Variants in PTK2B observed in about 807,000 individuals in gnomAD.
PTK2B encodes the protein protein-tyrosine kinase 2-beta.
In PTK2B, 71 loss-of-function variants were observed where a neutral mutation model predicts 142.9. The ratio of observed to expected loss-of-function variants is 0.50; its 90% CI spans 0.41 to 0.61. PTK2B has a LOEUF of 0.61. Ranked by LOEUF, PTK2B falls within the 20% of genes least tolerant of loss-of-function variation. The pLI, the probability that PTK2B is intolerant of heterozygous loss-of-function variation, is 0.00. For synonymous variants in PTK2B, 519 were observed against 503.4 expected (o/e 1.03, Z -0.42); for missense variants, 1,105 against 1,320.4 (o/e 0.84, Z 2.53).
rs538192852 is a variant in PTK2B at position 27,337,414 on chromosome 8, G to C, written c.-38+11733G>C. ...GCCTCCTAAAGTACTGAGATTACAG[G>C]CGTGAGCTACTGCGCCTGGCCCTCC... On this transcript the variant is annotated intron_variant, in intron 1 of 30. Coordinates refer to ENST00000346049, the MANE Select transcript of PTK2B (RefSeq NM_173176.3). 2.6e-5 allele frequency among the ~76,000 whole-genome samples: 4 copies of C among 152,276 alleles called. No individual in the cohort carries two copies. The South Asian group carries it at 8.3e-4, about 32-fold the overall frequency.
intron 24 of PTK2B, among the ~76,000 whole-genome samples, chr8:27,449,902 TTCTC>T (rs1392199491): frequency 1.3e-5 from 2 of 152,256 alleles, no homozygotes; most frequent in Non-Finnish European, 2.9e-5. Flanking sequence ...AGCATTTATC[TTCTC>T]TCTATCAAAC....
chr8:27,442,246 T>C (rs548174471), intron 21 of PTK2B, among the ~76,000 whole-genome samples: 2 of 152,318 alleles, frequency 1.3e-5, no homozygotes, highest in South Asian at 4.1e-4. Flanking sequence ...AAATATAGTA[T>C]CAAGTGTCAC....
intron 2 of PTK2B, among the ~76,000 whole-genome samples, chr8:27,400,943 C>A (rs1030024622): frequency 6.6e-6 from 1 of 151,936 alleles, no homozygotes; most frequent in Non-Finnish European, 1.5e-5. Context: ...GTCAGGCGTT[C>A]GAGACCAGCC....
chr8:27,324,020 C>T (rs1014150232), upstream of PTK2B, among the ~76,000 whole-genome samples: 7 of 152,166 alleles, frequency 4.6e-5, no homozygotes, highest in Non-Finnish European at 1.0e-4. Context: ...ACAACTCACC[C>T]AGGTATCTAA....
rs1316820071 is a variant in PTK2B, at chr8:27,454,252, C to T, written c.2694C>T (p.Leu898=). The change falls in exon 29 of 31, where the codon CTC becomes CTT. Residue 898 remains leucine (L), a synonymous_variant. Transcript: ENST00000346049. The part of the protein sequence containing the change: ...VRAVLELKNE[L]CQLPPEGYVV... ...CCGTGCTGGAGCTCAAGAATGAGCT[C>T]TGTCAGCTGCCCCCCGAGGGCTACG... 1.9e-6 allele frequency: 3 copies of T among 1,614,120 alleles called. No homozygotes were observed. The highest frequency in any genetic ancestry group is 2.5e-6 in the Non-Finnish European group (3 of 1,180,020).
At chr8:27,417,774 A>G (rs1809492132) in intron 2 of PTK2B, among the ~76,000 whole-genome samples, 2 of 152,280 alleles carry the variant, frequency 1.3e-5, no homozygotes, top group Non-Finnish European at 2.9e-5. Flanking sequence ...TCAACAGCAC[A>G]GGAGTTCTAG....
At chr8:27,433,319 G>T (rs1250773384) in intron 10 of PTK2B, 116 bp from the exon 11 acceptor site, 2 of 852,474 alleles carry the variant, frequency 2.3e-6, no homozygotes, top group Non-Finnish European at 3.8e-6. Flanking sequence ...GGTGCAGACA[G>T]CATTGGCATC....
rs1311415158 is a variant in PTK2B, at chr8:27,411,956, C to T, written c.205-7939C>T. Among the ~76,000 whole-genome samples, 5 of 152,210 alleles carry T rather than the reference C, an allele frequency of 3.3e-5. 1 individual carries two copies. Among genetic ancestry groups the T allele is most frequent in the Non-Finnish European group, 7.3e-5 (5 of 68,040 alleles). Reference sequence around the variant, plus strand: ...ACAACTCACAGAATGCAGGAAAGTGCTATCCTTACAGTTTTATCATATAAA... The same window carrying T: ...ACAACTCACAGAATGCAGGAAAGTGTTATCCTTACAGTTTTATCATATAAA... On this transcript the variant is annotated intron_variant, in intron 2 of 30. Transcript: ENST00000346049.
Position 27,454,261 on chromosome 8 carries a change from G to A in PTK2B, c.2703G>A (p.Leu901=), listed in dbSNP as rs142584961. The change falls in exon 29 of 31, where the codon CTG becomes CTA. Residue 901 remains leucine (L), a synonymous_variant. Transcript: ENST00000346049. ...VLELKNELCQ[L]PPEGYVVVVK... ...AGCTCAAGAATGAGCTCTGTCAGCT[G>A]CCCCCCGAGGGCTACGTGGTGGTGG... 36 of 1,613,876 alleles carry A rather than the reference G, an allele frequency of 2.2e-5. No homozygotes were observed. The highest frequency in any genetic ancestry group is 2.8e-5 in the Non-Finnish European group (33 of 1,180,012).
At chr8:27,329,463 G>T (rs1165950320) in intron 1 of PTK2B, among the ~76,000 whole-genome samples, 2 of 152,188 alleles carry the variant, frequency 1.3e-5, no homozygotes, top group South Asian at 4.1e-4. Flanking sequence ...GGGGAGGGAG[G>T]CTACCCTGGG....
chr8:27,374,249 G>A (rs927331076), intron 1 of PTK2B, among the ~76,000 whole-genome samples: 1 of 152,230 alleles, frequency 6.6e-6, no homozygotes, highest in African/African-American at 2.4e-5. Context: ...AAACCCCAAA[G>A]GGGACTGCAT....
chr8:27,357,619 C>T (rs1805461299), intron 1 of PTK2B, among the ~76,000 whole-genome samples: 1 of 152,214 alleles, frequency 6.6e-6, no homozygotes, highest in South Asian at 2.1e-4. Context: ...CCTTTGTCAA[C>T]TCTGAATGAG....
intron 1 of PTK2B, among the ~76,000 whole-genome samples, chr8:27,387,203 G>A (rs1410216901): frequency 1.3e-5 from 2 of 152,094 alleles, no homozygotes; most frequent in African/African-American, 4.8e-5. Flanking sequence ...GGGGTACAGT[G>A]GAAAATCTGA....
chr8:27,421,467 C>T (rs141191035), intron 4 of PTK2B, among the ~76,000 whole-genome samples: 257 of 151,986 alleles, frequency 1.7e-3, no homozygotes, highest in African/African-American at 6.0e-3. Context: ...TCACCCCTTC[C>T]CACTCTTTCC....
At chr8:27,335,615 GAGAAA>G (rs1238311165) in intron 1 of PTK2B, among the ~76,000 whole-genome samples, 3 of 143,704 alleles carry the variant, frequency 2.1e-5, no homozygotes, top group Non-Finnish European at 4.5e-5. Flanking sequence ...AAAAAAAAAA[GAGAAA>G]AGAAAAATGC....
At chr8:27,385,892 CAAAAAAAAA>C (rs71553856) in intron 1 of PTK2B, among the ~76,000 whole-genome samples, 24 of 110,024 alleles carry the variant, frequency 2.2e-4, no homozygotes, top group African/African-American at 7.6e-4. Flanking sequence ...GATTCCGTCT[CAAAAAAAAA>C]AAAAAAAAAA....
chr8:27,413,733 A>G (rs1426862893), intron 2 of PTK2B, among the ~76,000 whole-genome samples: 3 of 152,196 alleles, frequency 2.0e-5, no homozygotes, highest in Non-Finnish European at 4.4e-5. Context: ...CTGAGGCTGA[A>G]TGCCCTGAGA....
In PTK2B at chr8:27,450,767, C is replaced by T. The variant is rs1563302180; in HGVS notation, c.2359C>T (p.Pro787Ser). The T allele has an allele frequency of 1.9e-6, 3 of 1,614,216 alleles. No homozygotes were observed. Among genetic ancestry groups the T allele is most frequent in the Non-Finnish European group, 2.5e-6 (3 of 1,180,034 alleles). ...HSMREEDFIQ[P>S]SSREEAQQLW... Reference sequence around the variant, plus strand: ...CTCCCAGGAGGAGGACTTCATCCAACCCAGCAGCCGAGAAGAGGCCCAGCA... The same window carrying T: ...CTCCCAGGAGGAGGACTTCATCCAATCCAGCAGCCGAGAAGAGGCCCAGCA... The change falls in exon 25 of 31, where the codon CCC (proline) becomes TCC (serine). Residue 787 changes from proline (P) to serine (S), a missense_variant. Pro to Ser is a moderately conservative substitution (Grantham distance 74). Coordinates refer to ENST00000346049, the MANE Select transcript of PTK2B (RefSeq NM_173176.3).
chr8:27,324,894 G>A (rs908357198), upstream of PTK2B, among the ~76,000 whole-genome samples: 2 of 152,126 alleles, frequency 1.3e-5, no homozygotes, highest in South Asian at 2.1e-4. Context: ...ACATATCACC[G>A]GCCTGAGGAA....
Sources: allele counts gnomAD v4.1 joint callset (sites outside exome capture counted in the v4.1 genomes callset), GRCh38; gene constraint gnomAD v4.1.1; transcripts MANE v1.5; gene names NCBI Gene and HGNC (gene_info 2026-07-23, HGNC 2026-07-21).